Variants in FKBP5 observed in about 807,000 individuals in gnomAD.
FKBP5 encodes peptidyl-prolyl cis-trans isomerase FKBP5.
In FKBP5, 23 loss-of-function variants were observed where a neutral mutation model predicts 50.5. The observed-to-expected ratio is 0.46, with a 90% CI of 0.33 to 0.65. The LOEUF (loss-of-function observed/expected upper bound fraction) is 0.65, where lower values mean the gene tolerates loss of function less well. Among genes scored for constraint, FKBP5 ranks in the 30% least tolerant of loss-of-function variants. FKBP5 has a pLI of 0.02. For missense variants in FKBP5, 411 were observed against 553.1 expected, an observed-to-expected ratio of 0.74 and a Z score of 2.58; for synonymous variants, 176 against 190.6, an observed-to-expected ratio of 0.92 and a Z score of 0.63.
At chr6:35,717,401 T>A (rs967810970) in intron 2 of FKBP5, among the ~76,000 whole-genome samples, 1 of 152,194 alleles carries the variant, frequency 6.6e-6, no homozygotes, top group Non-Finnish European at 1.5e-5. Context: ...CATGTATGTG[T>A]GAGTGTGTGC....
chr6:35,726,301 A>G (rs556473152), intron 1 of FKBP5, among the ~76,000 whole-genome samples: 1 of 152,218 alleles, frequency 6.6e-6, no homozygotes, highest in Admixed American at 6.5e-5. Context: ...AGGCCAGAGA[A>G]CAGGCAGTGC....
intron 2 of FKBP5, among the ~76,000 whole-genome samples, chr6:35,718,129 T>C (rs962691523): frequency 6.6e-6 from 1 of 152,014 alleles, no homozygotes; most frequent in Non-Finnish European, 1.5e-5. Context: ...GGGGGGCCTC[T>C]GGGGGCGGCA....
chr6:35,616,965 A>G (rs964970932), intron 5 of FKBP5, among the ~76,000 whole-genome samples: 8 of 152,172 alleles, frequency 5.3e-5, no homozygotes, highest in African/African-American at 1.9e-4. Flanking sequence ...TAGGGCTAGT[A>G]GGACCTTAAA....
At chr6:35,627,067 A>T (rs1362867998) in intron 3 of FKBP5, among the ~76,000 whole-genome samples, 10 of 152,164 alleles carry the variant, frequency 6.6e-5, no homozygotes, top group Non-Finnish European at 1.3e-4. Flanking sequence ...CGTTTTCCAC[A>T]GCAGCTGCAC....
chr6:35,666,122 A>G (rs187622713), intron 1 of FKBP5, among the ~76,000 whole-genome samples: 1 of 152,286 alleles, frequency 6.6e-6, no homozygotes, highest in East Asian at 1.9e-4. Context: ...TCTTCTGAAC[A>G]TCTCAAGCTA....
In FKBP5 at chr6:35,642,748, G is replaced by A. The variant is rs1764529818; in HGVS notation, c.77C>T (p.Thr26Ile). 1 of 1,613,552 alleles carries A rather than the reference G, an allele frequency of 6.2e-7. No homozygotes were observed. Among genetic ancestry groups the A allele is most frequent in the African/African-American group, 1.3e-5 (1 of 74,834 alleles). ...ATVAEQGEDI[T>I]SKKDRGVLKI... ...TAATACTCCCCTGTCTTTTTTGGAG[G>A]TAATATCCTCTCCCTGCTCAGCAAC... is the stretch of plus-strand genomic sequence containing the variant. The change falls in exon 2 of 11, where the codon ACC becomes ATC. Residue 26 changes from threonine to isoleucine, a missense_variant. Coordinates refer to ENST00000357266, the MANE Select transcript of FKBP5 (RefSeq NM_004117.4).
At chr6:35,693,163 C>CA, upstream of FKBP5, among the ~76,000 whole-genome samples, 1 of 109,794 alleles carries the variant, frequency 9.1e-6, no homozygotes, top group South Asian at 3.0e-4. Context: ...TTCTCTCTCT[C>CA]TTTTTTTTTT....
At chr6:35,613,059 TCTGTCCCCTCCTCCATAC>T (rs1763538288) in intron 5 of FKBP5, among the ~76,000 whole-genome samples, 1 of 152,212 alleles carries the variant, frequency 6.6e-6, no homozygotes. Flanking sequence ...ACAAAGTCTA[TCTGTCCCCTCCTCCATAC>T]CACTTCATTG....
chr6:35,638,230 G>A lies in FKBP5; in HGVS notation c.106-1072C>T, dbSNP rs564056433. Among the ~76,000 whole-genome samples the A allele has an allele frequency of 5.3e-5, 8 of 152,308 alleles. No homozygotes were observed. In the East Asian group the frequency reaches 1.2e-3, roughly 22 times the overall value. ...AATTAATCATTTTTGGTAGATAACAGAGGATGGTAGCTAACATCTGATGAA... is the reference window on the plus strand; with the variant it reads ...AATTAATCATTTTTGGTAGATAACAAAGGATGGTAGCTAACATCTGATGAA... On this transcript the variant is annotated intron_variant, in intron 2 of 10. Transcript: ENST00000357266.
intron 5 of FKBP5, among the ~76,000 whole-genome samples, chr6:35,612,035 CT>C (rs1763508466): frequency 6.6e-6 from 1 of 152,052 alleles, no homozygotes. Context: ...TTTTAGGTCT[CT>C]AATAACCATG....
At chr6:35,688,383 T>C (rs1765896539) in intron 1 of FKBP5, among the ~76,000 whole-genome samples, 1 of 151,956 alleles carries the variant, frequency 6.6e-6, no homozygotes, top group South Asian at 2.1e-4. Flanking sequence ...TCCGGCCGCC[T>C]GTCCGGGGAG....
chr6:35,602,324 G>C (rs1006807140), intron 5 of FKBP5, among the ~76,000 whole-genome samples: 1 of 152,092 alleles, frequency 6.6e-6, no homozygotes, highest in Non-Finnish European at 1.5e-5. Flanking sequence ...ATTAGCTCTG[G>C]TAAGTGTCTA....
chr6:35,717,051 A>G (rs2151023557), intron 2 of FKBP5, among the ~76,000 whole-genome samples: 1 of 152,236 alleles, frequency 6.6e-6, no homozygotes, highest in Middle Eastern at 3.4e-3. Context: ...GAAGTGATGG[A>G]ATCCTTACCC....
rs200620341 is a variant in FKBP5, at chr6:35,701,233, G to GTT, written c.-20+19093_-20+19094dup. ...TTTGTTTGTTTGTTTGTTTGTTTTT[G>GTT]TTTTTTGTTTTTTTGTTTTTTTTTT... is the stretch of plus-strand genomic sequence containing the variant. On this transcript the variant is annotated intron_variant, in intron 2 of 11. Transcript: ENST00000536438. Among the ~76,000 whole-genome samples, 13 of 147,630 alleles carry GTT rather than the reference G, an allele frequency of 8.8e-5. No homozygotes were observed. The East Asian group carries it at 1.2e-3, about 14-fold the overall frequency.
At chr6:35,689,449 C>T (rs1031247116), upstream of FKBP5, among the ~76,000 whole-genome samples, 2 of 152,044 alleles carry the variant, frequency 1.3e-5, no homozygotes, top group Non-Finnish European at 2.9e-5. Flanking sequence ...GCAGATATCA[C>T]CTCCCTCTGG....
At chr6:35,652,498 G>A (rs1208717408) in intron 1 of FKBP5, among the ~76,000 whole-genome samples, 1 of 152,110 alleles carries the variant, frequency 6.6e-6, no homozygotes, top group Non-Finnish European at 1.5e-5. Context: ...GCCCCCCCGG[G>A]GCATACCTGT....
At chr6:35,674,593 A>G (rs116620181) in intron 1 of FKBP5, among the ~76,000 whole-genome samples, 125 of 152,328 alleles carry the variant, frequency 8.2e-4, no homozygotes, top group African/African-American at 2.8e-3. Flanking sequence ...CCCTTCTCTC[A>G]ACTTATTAAT....
intron 2 of FKBP5, among the ~76,000 whole-genome samples, chr6:35,719,984 G>A (rs1051842275): frequency 6.6e-6 from 1 of 152,130 alleles, no homozygotes; most frequent in African/African-American, 2.4e-5. Flanking sequence ...CCCAGGCAGT[G>A]TTGCTGCCAC....
Position 35,601,486 on chromosome 6 carries a change from AG to A in FKBP5, c.509-4083del, listed in dbSNP as rs1763143312. ...CCACGGAAAGACTGCTGATTGCCAC[AG>A]TAGGGGCCCTGATTGCAGTAACAGA... On this transcript the variant is annotated intron_variant, in intron 5 of 10. Coordinates refer to ENST00000357266, the MANE Select transcript of FKBP5 (RefSeq NM_004117.4). Among the ~76,000 whole-genome samples, 3 of 152,338 alleles carry A rather than the reference AG, an allele frequency of 2.0e-5. No individual in the cohort carries two copies. The East Asian group carries it at 5.8e-4, about 29-fold the overall frequency.
Sources: gnomAD v4.1 joint callset for allele counts (sites outside exome capture counted in the v4.1 genomes callset) on GRCh38, gnomAD v4.1.1 for gene constraint, MANE v1.5 for transcripts, NCBI Gene and HGNC (gene_info 2026-07-23, HGNC 2026-07-21) for gene names.